CAMTA1: variants seen among roughly 807,000 people sequenced by gnomAD.
The protein encoded by CAMTA1 is calmodulin-binding transcription activator 1.
CAMTA1 carries 27 observed loss-of-function variants against 170.9 expected under a neutral mutation model. The observed-to-expected ratio is 0.16, with a 90% CI of 0.12 to 0.22. CAMTA1 has a LOEUF of 0.22. CAMTA1 is among the 10% of genes least tolerant of loss of function. The pLI is 1.00. For missense variants in CAMTA1, 1,619 were observed against 2,217.2 expected, an observed-to-expected ratio of 0.73 and a Z score of 5.42; for synonymous variants, 833 against 891.5, an observed-to-expected ratio of 0.93 and a Z score of 1.17.
intron 11 of CAMTA1, among the ~76,000 whole-genome samples, chr1:7,704,388 C>T (rs1163893955): frequency 2.1e-4 from 30 of 146,238 alleles, no homozygotes; most frequent in Admixed American, 2.0e-4. Flanking sequence ...TCGAGGGAAC[C>T]GTCGCCGCCC....
intron 21 of CAMTA1, among the ~76,000 whole-genome samples, chr1:7,752,964 G>GT (rs1372245199): frequency 1.3e-5 from 2 of 152,176 alleles, no homozygotes; most frequent in Non-Finnish European, 2.9e-5. Flanking sequence ...TTCCAAACAA[G>GT]TTTTCTGATG....
chr1:7,133,936 T>C (rs1645402756), intron 4 of CAMTA1, among the ~76,000 whole-genome samples: 2 of 152,234 alleles, frequency 1.3e-5, no homozygotes, highest in Admixed American at 1.3e-4. Flanking sequence ...CGAGGGTATG[T>C]GTGCATGTTT....
chr1:6,987,755 T>A (rs1318415326), intron 3 of CAMTA1, among the ~76,000 whole-genome samples: 1 of 152,162 alleles, frequency 6.6e-6, no homozygotes, highest in African/African-American at 2.4e-5. Context: ...CTAAATCCTG[T>A]AGGTCGTTGA....
At chr1:6,993,160 AACTTT>A in intron 3 of CAMTA1, among the ~76,000 whole-genome samples, 1 of 152,272 alleles carries the variant, frequency 6.6e-6, no homozygotes, top group South Asian at 2.1e-4. Context: ...TCAGTTCTCC[AACTTT>A]ACTTTTTCAA....
rs927968167 is a variant in CAMTA1, at chr1:7,456,510, AAG to A, written c.439-11318_439-11317del. Among the ~76,000 whole-genome samples, 6 of 152,246 alleles carry A rather than the reference AAG, an allele frequency of 3.9e-5. No individual in the cohort carries two copies. Among genetic ancestry groups the A allele is most frequent in the Admixed American group, 3.9e-4 (6 of 15,292 alleles). On this transcript the variant is annotated intron_variant, in intron 5 of 22. Transcript: ENST00000303635. This position sits in a 1 kb window ranked among gnomAD's most constrained non-coding sequence, Gnocchi z 4.9. ...GCACTGATACATTGAAATAGGCTAA[AAG>A]AACAAGAGCCAGTGGGTGGGAGATA...
intron 3 of CAMTA1, among the ~76,000 whole-genome samples, chr1:6,929,768 A>G (rs1684052023): frequency 6.6e-6 from 1 of 152,164 alleles, no homozygotes; most frequent in Non-Finnish European, 1.5e-5. Context: ...AAGTGTTGGG[A>G]TTACCGGCGT....
Position 7,236,334 on chromosome 1 carries a change from T to C in CAMTA1, c.303-13157T>C, listed in dbSNP as rs545509386. Among the ~76,000 whole-genome samples the C allele has an allele frequency of 3.9e-5, 6 of 152,338 alleles. No individual in the cohort carries two copies. The East Asian group carries it at 1.2e-3, about 29-fold the overall frequency. ...GAGGAGACGTTCCTTCATCGCACTT[T>C]TTCCCTCCCCTTGCAACAAAAGGAA... On this transcript the variant is annotated intron_variant, in intron 4 of 22. Transcript: ENST00000303635.
intron 4 of CAMTA1, among the ~76,000 whole-genome samples, chr1:7,130,405 C>G (rs1645183121): frequency 1.3e-5 from 2 of 152,118 alleles, no homozygotes. Context: ...TACTTTTTGG[C>G]TATTACAAGC....
chr1:7,398,219 A>C (rs1321665584), intron 5 of CAMTA1, among the ~76,000 whole-genome samples: 22 of 119,266 alleles, frequency 1.8e-4, no homozygotes, highest in African/African-American at 3.9e-4. Context: ...ATATATATAT[A>C]TATATATATA....
intron 1 of CAMTA1, among the ~76,000 whole-genome samples, chr1:6,814,235 T>C (rs1645520641): frequency 1.3e-5 from 2 of 152,300 alleles, no homozygotes; most frequent in Admixed American, 1.3e-4. Flanking sequence ...AAGGAGTAAC[T>C]ATTTTGTAAT....
intron 11 of CAMTA1, among the ~76,000 whole-genome samples, chr1:7,726,718 CCTGTT>C (rs957488573): frequency 6.6e-6 from 1 of 152,154 alleles, no homozygotes; most frequent in African/African-American, 2.4e-5. Flanking sequence ...ATATAGAGTG[CCTGTT>C]CTGTGATGAA....
At chr1:7,252,349 G>A (rs1666761021) in intron 5 of CAMTA1, among the ~76,000 whole-genome samples, 1 of 152,182 alleles carries the variant, frequency 6.6e-6, no homozygotes, top group Admixed American at 6.5e-5. Flanking sequence ...TATGTTAATG[G>A]GAGCCTGTTG....
chr1:7,320,649 G>GTTTTTTTT (rs55683398), intron 5 of CAMTA1, among the ~76,000 whole-genome samples: 65 of 80,252 alleles, frequency 8.1e-4, no homozygotes, highest in African/African-American at 1.9e-3. Flanking sequence ...TGCTGTGTGT[G>GTTTTTTTT]TTTTTTTTTT....
At chr1:7,647,247 T>C (rs1208405248) in intron 7 of CAMTA1, among the ~76,000 whole-genome samples, 1 of 142,742 alleles carries the variant, frequency 7.0e-6, no homozygotes, top group Non-Finnish European at 1.5e-5. Context: ...TGTTTTCTCA[T>C]AATTTTTCAG....
chr1:6,845,327 A>G (rs1657628556), intron 3 of CAMTA1, among the ~76,000 whole-genome samples: 1 of 152,178 alleles, frequency 6.6e-6, no homozygotes, highest in Non-Finnish European at 1.5e-5. Context: ...ACCCTCTGGC[A>G]TCTCCGTTTA....
intron 6 of CAMTA1, among the ~76,000 whole-genome samples, chr1:7,575,198 T>G (rs1006827467): frequency 2.6e-5 from 4 of 152,210 alleles, no homozygotes; most frequent in Non-Finnish European, 5.9e-5. Context: ...TTGTGGTTAT[T>G]CTTTGCTGAA....
intron 5 of CAMTA1, among the ~76,000 whole-genome samples, chr1:7,453,885 G>A (rs1188311479): frequency 1.3e-5 from 2 of 152,268 alleles, no homozygotes; most frequent in African/African-American, 2.4e-5. Flanking sequence ...GCCCCCCGCA[G>A]CAGCCCGGGG....
chr1:7,277,586 T>C (rs1670918172), intron 5 of CAMTA1, among the ~76,000 whole-genome samples: 1 of 152,086 alleles, frequency 6.6e-6, no homozygotes, highest in Non-Finnish European at 1.5e-5. Context: ...TGGCAGACTA[T>C]ATATCATCTC....
intron 5 of CAMTA1, among the ~76,000 whole-genome samples, chr1:7,324,052 A>G (rs1038958858): frequency 6.6e-6 from 1 of 152,116 alleles, no homozygotes; most frequent in Non-Finnish European, 1.5e-5. Flanking sequence ...CCTTTTGTCT[A>G]TTTGATCTAC....
Sources: gnomAD v4.1 joint callset for allele counts (sites outside exome capture counted in the v4.1 genomes callset) on GRCh38, gnomAD v4.1.1 for gene constraint, Gnocchi (gnomAD v3.1) non-coding constraint, MANE v1.5 for transcripts, NCBI Gene and HGNC (gene_info 2026-07-23, HGNC 2026-07-21) for gene names.